Variants in PTCHD4 observed in about 807,000 individuals in gnomAD.
PTCHD4 encodes the protein patched domain-containing protein 4.
In PTCHD4, 33 loss-of-function variants were observed where a neutral mutation model predicts 58.1. The ratio of observed to expected loss-of-function variants is 0.57; its 90% CI spans 0.43 to 0.76. The LOEUF is 0.76. Ranked by LOEUF, PTCHD4 falls within the 30% of genes least tolerant of loss-of-function variation. The pLI is 0.00. For missense variants in PTCHD4, 1,058 were observed against 1,027.1 expected (o/e 1.03, Z -0.41); for synonymous variants, 478 against 409.6 (o/e 1.17, Z -2.02).
At chr6:47,961,028 T>C (rs146090441) in intron 4 of PTCHD4, among the ~76,000 whole-genome samples, 1 of 150,028 alleles carries the variant, frequency 6.7e-6, no homozygotes, top group African/African-American at 2.4e-5. Flanking sequence ...TTAGCTTACA[T>C]TTATGGAGCA....
intron 4 of PTCHD4, among the ~76,000 whole-genome samples, chr6:47,935,906 C>T (rs898703243): frequency 6.6e-6 from 1 of 152,156 alleles, no homozygotes; most frequent in Non-Finnish European, 1.5e-5. Flanking sequence ...GTACCAGTGG[C>T]AGTATGATTG....
chr6:47,932,585 T>A lies in PTCHD4; in HGVS notation c.899-52649A>T, dbSNP rs115871007. Among the ~76,000 whole-genome samples the A allele has an allele frequency of 3.8e-3, 585 of 152,316 alleles. 3 individuals carry two copies. The highest frequency in any genetic ancestry group is 0.014 in the Middle Eastern group (4 of 294). On this transcript the variant is annotated intron_variant, in intron 4 of 4. Coordinates refer to ENST00000339488, the MANE Select transcript of PTCHD4 (RefSeq NM_001384253.1). ...GTTCAGAGTAATATTTTTCAATGAGTCTAATGATGAGTTTTATCAGGCTAC... is the reference window on the plus strand; with the variant it reads ...GTTCAGAGTAATATTTTTCAATGAGACTAATGATGAGTTTTATCAGGCTAC...
intron 4 of PTCHD4, among the ~76,000 whole-genome samples, chr6:47,930,409 G>C (rs1169411478): frequency 6.6e-6 from 1 of 152,078 alleles, no homozygotes; most frequent in Non-Finnish European, 1.5e-5. Context: ...CCAAAATAAA[G>C]TTCTGAGACT....
chr6:47,951,129 A>T lies in PTCHD4; in HGVS notation c.898+57505T>A, dbSNP rs189557703. ...AGAGAATTTTTTTTAAATAGGAGAT[A>T]TTGTGGCATGATCCTCTTTGCCTGT... On this transcript the variant is annotated intron_variant, in intron 4 of 4. Coordinates refer to ENST00000339488, the MANE Select transcript of PTCHD4 (RefSeq NM_001384253.1). 2.3e-3 allele frequency among the ~76,000 whole-genome samples: 347 copies of T among 152,310 alleles called. 2 individuals carry two copies. Among genetic ancestry groups the T allele is most frequent in the Non-Finnish European group, 3.8e-3 (256 of 68,018 alleles).
At chr6:48,090,248 T>C (rs1765338676) in intron 1 of PTCHD4, among the ~76,000 whole-genome samples, 1 of 152,224 alleles carries the variant, frequency 6.6e-6, no homozygotes, top group South Asian at 2.1e-4. Context: ...TTATAGTCAC[T>C]GCATATCTAC....
At position 47,872,353 on chromosome 6, in the gene PTCHD4, C is replaced by A. The variant is rs1763738048; in HGVS notation, c.*5950G>T. Reference sequence around the variant, plus strand: ...TTTTTCCCCCTCTGGTTTGACAGAGCCTTGTGGGCAATGTGCTTACTCTAC... The same window carrying A: ...TTTTTCCCCCTCTGGTTTGACAGAGACTTGTGGGCAATGTGCTTACTCTAC... On this transcript the variant is annotated 3_prime_UTR_variant, in exon 5 of 5. Coordinates refer to ENST00000339488, the MANE Select transcript of PTCHD4 (RefSeq NM_001384253.1). 6.6e-6 allele frequency among the ~76,000 whole-genome samples: 1 copy of A among 151,626 alleles called. No individual in the cohort carries two copies. The highest frequency in any genetic ancestry group is 3.2e-3 in the Middle Eastern group (1 of 316).
In PTCHD4 at chr6:47,940,613, G is replaced by A. The variant is rs114321327; in HGVS notation, c.899-60677C>T. 2.0e-3 allele frequency among the ~76,000 whole-genome samples: 308 copies of A among 152,270 alleles called. 2 individuals carry two copies. Among genetic ancestry groups the A allele is most frequent in the Non-Finnish European group, 3.6e-3 (244 of 68,026 alleles). ...AATAGTTAAAGCCTTAACTTTCACA[G>A]CCTTGTAAAAGCTTGTGAAAATAGA... is the stretch of plus-strand genomic sequence containing the variant. On this transcript the variant is annotated intron_variant, in intron 4 of 4. Transcript: ENST00000339488.
At position 47,878,880 on chromosome 6, in the gene PTCHD4, A is replaced by G. The variant is rs776375890; in HGVS notation, c.1955T>C (p.Leu652Ser). ...PSFVFMDHYS[L>S]SVTVPVLIAG... ...AATCAGAACAGGCACTGTGACAGACAAGCTGTAATGGTCCATGAAGACAAA... is the reference window on the plus strand; with the variant it reads ...AATCAGAACAGGCACTGTGACAGACGAGCTGTAATGGTCCATGAAGACAAA... The change falls in exon 5 of 5, where the codon TTG (leucine) becomes TCG (serine). Residue 652 changes from leucine (L) to serine (S), a missense_variant. Leu to Ser is a moderately radical substitution (Grantham distance 145, BLOSUM62 -2). Coordinates refer to ENST00000339488, the MANE Select transcript of PTCHD4 (RefSeq NM_001384253.1). 5 of 1,613,592 alleles carry G rather than the reference A, an allele frequency of 3.1e-6. No individual in the cohort carries two copies. The East Asian group carries it at 8.9e-5, about 29-fold the overall frequency.
At chr6:47,962,898 G>A (rs1011285876) in intron 4 of PTCHD4, among the ~76,000 whole-genome samples, 1 of 151,530 alleles carries the variant, frequency 6.6e-6, no homozygotes, top group Non-Finnish European at 1.5e-5. Context: ...GGTGGCTCAC[G>A]CCTGTAATCC....
chr6:47,918,489 C>T (rs909333995), intron 4 of PTCHD4, among the ~76,000 whole-genome samples: 1 of 151,862 alleles, frequency 6.6e-6, no homozygotes, highest in Non-Finnish European at 1.5e-5. Flanking sequence ...TTGCTCTATG[C>T]CATTTTCGTT....
In PTCHD4 at chr6:47,901,682, G is replaced by A. The variant is rs1220225883; in HGVS notation, c.899-21746C>T. Reference sequence around the variant, plus strand: ...CACAGGGAGGAAAGAAATACCTGGAGGATACTTAACCTCCAAAAAATAGAG... The same window carrying A: ...CACAGGGAGGAAAGAAATACCTGGAAGATACTTAACCTCCAAAAAATAGAG... On this transcript the variant is annotated intron_variant, in intron 4 of 4. Coordinates refer to ENST00000339488, the MANE Select transcript of PTCHD4 (RefSeq NM_001384253.1). 1.6e-5 allele frequency: 19 copies of A among 1,157,476 alleles called. 2 individuals are homozygous for A. In the South Asian group the frequency reaches 2.8e-4, roughly 17 times the overall value. The allele number at this position is 1,157,476 out of a possible 1,614,324, so 71.7% of individuals were successfully genotyped here.
chr6:48,041,585 G>A (rs332589), intron 3 of PTCHD4, among the ~76,000 whole-genome samples: 87,058 of 151,762 alleles, frequency 0.57, 25,116 homozygotes, highest in East Asian at 0.73. Context: ...ACTGATCGCC[G>A]CAGTTATGTG....
intron 3 of PTCHD4, among the ~76,000 whole-genome samples, chr6:48,028,118 T>A (rs944177610): frequency 6.6e-6 from 1 of 152,022 alleles, no homozygotes; most frequent in Non-Finnish European, 1.5e-5. Flanking sequence ...ATTTTTGTAT[T>A]TTTTTGTAAA....
intron 4 of PTCHD4, among the ~76,000 whole-genome samples, chr6:47,951,367 C>T (rs1237894441): frequency 1.3e-5 from 2 of 152,180 alleles, no homozygotes; most frequent in Non-Finnish European, 2.9e-5. Flanking sequence ...GACTCTAAGA[C>T]ACTGTGTGTT....
chr6:48,026,708 C>T (rs1412890945), intron 3 of PTCHD4, among the ~76,000 whole-genome samples: 1 of 152,036 alleles, frequency 6.6e-6, no homozygotes, highest in Non-Finnish European at 1.5e-5. Context: ...AAGAGAAAAC[C>T]ATCTAATTGG....
chr6:48,053,252 C>A (rs970567985), intron 3 of PTCHD4, among the ~76,000 whole-genome samples: 1 of 152,060 alleles, frequency 6.6e-6, no homozygotes, highest in Non-Finnish European at 1.5e-5. Context: ...CTTGTTTAAG[C>A]TAAGACTGAT....
At chr6:48,078,771 T>C (rs1253470870) in intron 1 of PTCHD4, among the ~76,000 whole-genome samples, 1 of 152,172 alleles carries the variant, frequency 6.6e-6, no homozygotes, top group East Asian at 1.9e-4. Context: ...TAAAAATGTA[T>C]CTCTTTCTTC....
rs1031940446 is a variant in PTCHD4, at chr6:47,912,308, G to A, written c.899-32372C>T. On this transcript the variant is annotated intron_variant, in intron 4 of 4. Coordinates refer to ENST00000339488, the MANE Select transcript of PTCHD4 (RefSeq NM_001384253.1). ...CCCCACCAAACCCCATCCCAGTGGA[G>A]GGTAAGTTTCTGAAATTAGAAAAAC... Among the ~76,000 whole-genome samples, 5 of 150,696 alleles carry A rather than the reference G, an allele frequency of 3.3e-5. No homozygotes were observed. The South Asian group carries it at 1.0e-3, about 32-fold the overall frequency.
Position 48,016,042 on chromosome 6 carries a change from C to T in PTCHD4, c.418-6928G>A, listed in dbSNP as rs1460874637. The stretch of plus-strand genomic sequence containing the variant: ...GGCTGATACAGAAAAGAAACAACAA[C>T]ATCTCTTTCTCAGTCTGCTTATTCT... On this transcript the variant is annotated intron_variant, in intron 3 of 4. Coordinates refer to ENST00000339488, the MANE Select transcript of PTCHD4 (RefSeq NM_001384253.1). Among the ~76,000 whole-genome samples, 11 of 152,040 alleles carry T rather than the reference C, an allele frequency of 7.2e-5. No individual in the cohort carries two copies. The East Asian group carries it at 2.1e-3, about 29-fold the overall frequency.
Sources: gnomAD v4.1 joint callset for allele counts (sites outside exome capture counted in the v4.1 genomes callset) on GRCh38, gnomAD v4.1.1 for gene constraint, MANE v1.5 for transcripts, NCBI Gene and HGNC (gene_info 2026-07-23, HGNC 2026-07-21) for gene names.